Variants in FN1 observed in about 807,000 individuals in gnomAD.
FN1 encodes the protein fibronectin.
FN1 carries 106 observed loss-of-function variants against 297.3 expected under a neutral mutation model. The observed-to-expected ratio is 0.36, with a 90% CI of 0.30 to 0.42. FN1 has a LOEUF of 0.42. Ranked by LOEUF, FN1 falls within the 10% of genes least tolerant of loss-of-function variation. The probability of loss-of-function intolerance (pLI) is 1.00; values close to 1 mark genes in which losing one functional copy is unlikely to be tolerated. For synonymous variants in FN1, 1,149 were observed against 1,152.6 expected, an observed-to-expected ratio of 1.00 and a Z score of 0.06; for missense variants, 2,690 against 3,124.9, an observed-to-expected ratio of 0.86 and a Z score of 3.32.
chr2:215,376,536 C>T lies in FN1; in HGVS notation c.5849G>A (p.Arg1950Lys). ...GCTTCTGACATCTGGCTTGATGGTT[C>T]TCTGGATTGGAGTCTGGCCATTGGC... is the stretch of plus-strand genomic sequence containing the variant. ...VPANGQTPIQ[R>K]TIKPDVRSYT... Residue 1950 changes from arginine to lysine, a missense_variant, in exon 36 of 46, where the codon AGA becomes AAA. By Grantham distance (26) the Arg-to-Lys change is conservative. Transcript: ENST00000354785. The T allele has an allele frequency of 6.2e-7, 1 of 1,614,004 alleles. No individual in the cohort carries two copies. Among genetic ancestry groups the T allele is most frequent in the Non-Finnish European group, 8.5e-7 (1 of 1,180,004 alleles).
intron 25 of FN1, chr2:215,392,228 C>A: frequency 4.6e-6 from 1 of 219,188 alleles, no homozygotes; most frequent in Non-Finnish European, 9.2e-6. Flanking sequence ...AAACTTCCCC[C>A]CATGTGAGAT....
chr2:215,406,592 C>T, intron 18 of FN1, 82 bp from the exon 19 acceptor site: 1 of 1,419,318 alleles, frequency 7.0e-7, no homozygotes, highest in Non-Finnish European at 9.7e-7. Flanking sequence ...ATATGTTAGG[C>T]AGTTCATTGA....
intron 39 of FN1, 161 bp from the exon 40 acceptor site, chr2:215,372,536 A>G (rs1379151876): frequency 2.1e-5 from 14 of 664,854 alleles, no homozygotes; most frequent in Middle Eastern, 3.9e-4. Flanking sequence ...TTTTCCAGAA[A>G]GAAATCTTTA....
chr2:215,387,074 A>T, intron 27 of FN1, 116 bp from the exon 28 acceptor site: 1 of 855,774 alleles, frequency 1.2e-6, no homozygotes, highest in East Asian at 2.7e-5. Flanking sequence ...TTCCTGTCTC[A>T]TCAATACCAT....
chr2:215,370,230 G>C, intron 41 of FN1, 64 bp downstream of exon 41: 3 of 1,542,610 alleles, frequency 1.9e-6, no homozygotes, highest in Non-Finnish European at 2.7e-6. Context: ...ACAGTCAACA[G>C]AAAAGCCCAT....
rs2372544 is a variant in FN1 at position 215,399,547 on chromosome 2, G to T, written c.3254-196C>A. ...CTTTAATGTGCCACACACATCATCT[G>T]GGGTCTGGCTAAAATGCAGATTCTG... On this transcript the variant is annotated intron_variant, in intron 20 of 45. Transcript: ENST00000354785. Among the ~76,000 whole-genome samples, 48,892 of 151,926 alleles carry T rather than the reference G, an allele frequency of 0.32. 8,746 individuals are homozygous for T. The highest frequency in any genetic ancestry group is 0.49 in the South Asian group (2,354 of 4,810).
chr2:215,367,770 T>C, intron 42 of FN1, 93 bp downstream of exon 42: 1 of 1,233,594 alleles, frequency 8.1e-7, no homozygotes, highest in South Asian at 1.2e-5. Context: ...TGGAAGAACC[T>C]GTGTCTTCCA....
At chr2:215,390,494 C>A (rs1043277841) in intron 26 of FN1, among the ~76,000 whole-genome samples, 7 of 152,140 alleles carry the variant, frequency 4.6e-5, no homozygotes, top group African/African-American at 1.7e-4. Flanking sequence ...TTTGCTTCAT[C>A]TTTAAAAGAG....
intron 41 of FN1, among the ~76,000 whole-genome samples, chr2:215,370,004 G>A (rs2055523196): frequency 6.6e-6 from 1 of 152,192 alleles, no homozygotes; most frequent in Non-Finnish European, 1.5e-5. Flanking sequence ...CAGAAGTAAG[G>A]ACTCAGAGTG....
At chr2:215,428,659 T>A (rs2065929434) in intron 5 of FN1, among the ~76,000 whole-genome samples, 1 of 152,226 alleles carries the variant, frequency 6.6e-6, no homozygotes, top group African/African-American at 2.4e-5. Flanking sequence ...CTTCTCAGGC[T>A]CTTCCAGGAT....
chr2:215,381,608 G>C, intron 32 of FN1: 1 of 201,174 alleles, frequency 5.0e-6, no homozygotes, highest in Non-Finnish European at 1.0e-5. Context: ...TGAGTAGCTG[G>C]GATTACAGGC....
chr2:215,368,906 T>A (rs1057406052), intron 41 of FN1, among the ~76,000 whole-genome samples: 1 of 152,194 alleles, frequency 6.6e-6, no homozygotes, highest in African/African-American at 2.4e-5. Context: ...ATAAACTAAT[T>A]TGACTTAAAA....
chr2:215,374,524 T>C (rs1432981422), intron 38 of FN1, among the ~76,000 whole-genome samples: 2 of 152,224 alleles, frequency 1.3e-5, no homozygotes, highest in Admixed American at 6.5e-5. Flanking sequence ...TCCTGTGTGC[T>C]TCTCTCTCCT....
chr2:215,385,196 GT>G (rs1352748405), intron 28 of FN1, among the ~76,000 whole-genome samples: 1 of 145,644 alleles, frequency 6.9e-6, no homozygotes, highest in Non-Finnish European at 1.5e-5. Context: ...TTGGGGAAGA[GT>G]TTTTTTCCCT....
intron 13 of FN1, among the ~76,000 whole-genome samples, chr2:215,413,410 T>C (rs1392594890): frequency 2.0e-5 from 3 of 152,252 alleles, no homozygotes; most frequent in Non-Finnish European, 1.5e-5. Flanking sequence ...TGAGCCACTC[T>C]ACCCAGCCAC....
At chr2:215,401,258 GA>G (rs761986029) in intron 20 of FN1, among the ~76,000 whole-genome samples, 5,528 of 48,120 alleles carry the variant, frequency 0.11, 527 homozygotes, top group Middle Eastern at 0.18. Flanking sequence ...AAGGAAGAAA[GA>G]AAGGAAGGAA....
rs945966865 is a variant in FN1 at position 215,365,845 on chromosome 2, G to A, written c.7019-215C>T. ...TTTTGAGACAAAGTCTTTCTCTGTC[G>A]CCCAGACTGGAGTGAAGTGGTGCAA... On this transcript the variant is annotated intron_variant, in intron 42 of 45. Transcript: ENST00000354785. 5.3e-5 allele frequency: 12 copies of A among 226,964 alleles called. No homozygotes were observed. In the East Asian group the frequency reaches 1.1e-3, roughly 21 times the overall value. 14.1% of individuals were successfully genotyped at this position (226,964 alleles called of 1,614,324 possible).
chr2:215,426,705 C>T (rs182467698), intron 6 of FN1, among the ~76,000 whole-genome samples: 131 of 152,236 alleles, frequency 8.6e-4, no homozygotes, highest in Non-Finnish European at 1.4e-3. Context: ...AGAGCAGGTT[C>T]CATTTTGTTT....
intron 29 of FN1, 193 bp from the exon 30 acceptor site, chr2:215,384,377 G>C (rs2058633025): frequency 1.0e-5 from 6 of 600,912 alleles, no homozygotes; most frequent in Admixed American, 2.8e-5. Flanking sequence ...TAAACATTGA[G>C]AGAAAATTAC....
Sources: allele counts gnomAD v4.1 joint callset (sites outside exome capture counted in the v4.1 genomes callset), GRCh38; gene constraint gnomAD v4.1.1; transcripts MANE v1.5; gene names NCBI Gene and HGNC (gene_info 2026-07-23, HGNC 2026-07-21).